The following ST8SIA1 variants were observed in gnomAD, a reference collection of about 807,000 sequenced individuals.
ST8SIA1 encodes alpha-N-acetylneuraminide alpha-2,8-sialyltransferase.
Under a neutral mutation model 35.9 loss-of-function variants are expected in ST8SIA1, and 16 were observed. That is an observed-to-expected ratio of 0.45 (90% CI 0.30 to 0.68). The LOEUF (loss-of-function observed/expected upper bound fraction) is 0.68. Ranked by LOEUF, ST8SIA1 falls within the 30% of genes least tolerant of loss-of-function variation. The probability of loss-of-function intolerance (pLI) is 0.09; values close to 1 mark genes in which losing one functional copy is unlikely to be tolerated. For missense variants in ST8SIA1, 383 were observed against 453.6 expected, an observed-to-expected ratio of 0.84 and a Z score of 1.41; for synonymous variants, 170 against 169.6, an observed-to-expected ratio of 1.00 and a Z score of -0.02.
intron 3 of ST8SIA1, among the ~76,000 whole-genome samples, chr12:22,249,313 G>A (rs559420806): frequency 6.6e-6 from 1 of 151,426 alleles, no homozygotes; most frequent in Admixed American, 6.6e-5. Context: ...CCACCTGCCG[G>A]GTTCACGCCA....
At chr12:22,259,956 T>G (rs563566902) in intron 2 of ST8SIA1, among the ~76,000 whole-genome samples, 1 of 152,212 alleles carries the variant, frequency 6.6e-6, no homozygotes, top group Non-Finnish European at 1.5e-5. Flanking sequence ...ATATTACTAT[T>G]TTAACAGAGA....
intron 4 of ST8SIA1, among the ~76,000 whole-genome samples, chr12:22,207,588 C>G (rs1865127072): frequency 6.6e-6 from 1 of 152,038 alleles, no homozygotes; most frequent in Admixed American, 6.5e-5. Context: ...CTCTGTCATA[C>G]AAGTTAATTT....
At chr12:22,329,399 C>T (rs1455630943) in intron 1 of ST8SIA1, among the ~76,000 whole-genome samples, 1 of 152,092 alleles carries the variant, frequency 6.6e-6, no homozygotes, top group Non-Finnish European at 1.5e-5. Flanking sequence ...GTATATTTTA[C>T]GTATCCAGTA....
chr12:22,210,037 T>A (rs1865160468), intron 4 of ST8SIA1, among the ~76,000 whole-genome samples: 1 of 152,166 alleles, frequency 6.6e-6, no homozygotes, highest in African/African-American at 2.4e-5. Context: ...CTAAATGCCA[T>A]CACTAATAGA....
intron 4 of ST8SIA1, among the ~76,000 whole-genome samples, chr12:22,248,541 T>C (rs1411869299): frequency 3.9e-5 from 6 of 152,210 alleles, no homozygotes; most frequent in African/African-American, 1.4e-4. Context: ...TAATACAGTA[T>C]ACTATAACCA....
At chr12:22,302,402 T>C (rs1038406446) in intron 1 of ST8SIA1, among the ~76,000 whole-genome samples, 8 of 152,206 alleles carry the variant, frequency 5.3e-5, no homozygotes, top group African/African-American at 1.7e-4. Context: ...CCTACTGATG[T>C]ATGGACTTCA....
intron 2 of ST8SIA1, among the ~76,000 whole-genome samples, chr12:22,282,088 C>T (rs1394722756): frequency 6.6e-6 from 1 of 151,996 alleles, no homozygotes; most frequent in African/African-American, 2.4e-5. Flanking sequence ...AAGTGAAAAA[C>T]CTTAAAACAG....
intron 4 of ST8SIA1, among the ~76,000 whole-genome samples, chr12:22,215,399 T>G (rs1438125502): frequency 6.6e-6 from 1 of 152,176 alleles, no homozygotes; most frequent in Non-Finnish European, 1.5e-5. Context: ...TGAACAATGC[T>G]AACAAAGTCT....
At chr12:22,230,647 G>C (rs1049896388) in intron 4 of ST8SIA1, among the ~76,000 whole-genome samples, 1 of 152,122 alleles carries the variant, frequency 6.6e-6, no homozygotes, top group Admixed American at 6.5e-5. Context: ...AAACCACAGA[G>C]AGAAGTAAAA....
chr12:22,236,611 C>T (rs1453074238), intron 4 of ST8SIA1, among the ~76,000 whole-genome samples: 7 of 152,198 alleles, frequency 4.6e-5, no homozygotes, highest in Admixed American at 2.6e-4. Flanking sequence ...TTCTCCACCT[C>T]GTACCCTTGC....
intron 2 of ST8SIA1, chr12:22,268,584 T>C (rs1865874836): frequency 6.6e-6 from 1 of 151,708 alleles, no homozygotes; most frequent in Admixed American, 6.6e-5. Flanking sequence ...CTTTCTCACG[T>C]GGCAGCAGCG....
At chr12:22,248,367 G>A (rs550529032) in intron 4 of ST8SIA1, among the ~76,000 whole-genome samples, 5 of 152,184 alleles carry the variant, frequency 3.3e-5, no homozygotes, top group East Asian at 3.9e-4. Flanking sequence ...CTGATAGCTC[G>A]CTGATGCACT....
chr12:22,277,143 T>G (rs545703938), intron 2 of ST8SIA1, among the ~76,000 whole-genome samples: 1 of 152,272 alleles, frequency 6.6e-6, no homozygotes, highest in East Asian at 1.9e-4. Flanking sequence ...TTTTTAATAA[T>G]AAAACGCAAC....
At chr12:22,287,525 G>C (rs190872239) in intron 1 of ST8SIA1, among the ~76,000 whole-genome samples, 2 of 150,364 alleles carry the variant, frequency 1.3e-5, no homozygotes, top group East Asian at 3.9e-4. Context: ...AAATACATCA[G>C]ATTCATTAGA....
chr12:22,306,790 G>T (rs1866389238), intron 1 of ST8SIA1, among the ~76,000 whole-genome samples: 1 of 151,992 alleles, frequency 6.6e-6, no homozygotes, highest in African/African-American at 2.4e-5. Context: ...AATAACTTCT[G>T]CCCTCTCTTT....
intron 1 of ST8SIA1, among the ~76,000 whole-genome samples, chr12:22,312,728 A>AT (rs1866467279): frequency 2.0e-5 from 3 of 151,618 alleles, no homozygotes; most frequent in African/African-American, 7.3e-5. Flanking sequence ...AAAAAAAAAA[A>AT]CAATAAATTT....
intron 4 of ST8SIA1, among the ~76,000 whole-genome samples, chr12:22,235,696 T>C (rs1865469130): frequency 6.6e-6 from 1 of 152,182 alleles, no homozygotes; most frequent in Non-Finnish European, 1.5e-5. Flanking sequence ...TGTAATGAAA[T>C]AGCTTTGTAA....
At chr12:22,315,971 C>A (rs1866513778) in intron 1 of ST8SIA1, among the ~76,000 whole-genome samples, 1 of 150,802 alleles carries the variant, frequency 6.6e-6, no homozygotes, top group South Asian at 2.1e-4. Context: ...TACATGTAGC[C>A]CAGAACTTAA....
intron 2 of ST8SIA1, among the ~76,000 whole-genome samples, chr12:22,267,137 G>A (rs1865858709): frequency 6.6e-6 from 1 of 152,158 alleles, no homozygotes; most frequent in Non-Finnish European, 1.5e-5. Flanking sequence ...GTCAGAAACT[G>A]TGAGCTTCAG....
Sources: gnomAD v4.1 joint callset for allele counts (sites outside exome capture counted in the v4.1 genomes callset) on GRCh38, gnomAD v4.1.1 for gene constraint, MANE v1.5 for transcripts, NCBI Gene and HGNC (gene_info 2026-07-23, HGNC 2026-07-21) for gene names.